NT5C2: variants seen among roughly 807,000 people sequenced by gnomAD.
NT5C2 encodes the protein cytosolic purine 5'-nucleotidase.
In NT5C2, 58 loss-of-function variants were observed where a neutral mutation model predicts 76.1. That is an observed-to-expected ratio of 0.76 (90% CI 0.62 to 0.95). The LOEUF is 0.95. Among genes scored for constraint, NT5C2 ranks in the 40% least tolerant of loss-of-function variants. NT5C2 has a pLI of 0.00. For synonymous variants in NT5C2, 229 were observed against 237.4 expected (o/e 0.96, Z 0.32); for missense variants, 478 against 690.3 (o/e 0.69, Z 3.45).
At chr10:103,183,292 T>TATATATATCA (rs1384199423) in intron 1 of NT5C2, among the ~76,000 whole-genome samples, 1 of 117,236 alleles carries the variant, frequency 8.5e-6, no homozygotes, top group Admixed American at 9.4e-5. Context: ...TATATATATA[T>TATATATATCA]ATCACACACT....
chr10:103,094,812 G>C (rs1294181055), intron 12 of NT5C2, among the ~76,000 whole-genome samples: 1 of 151,774 alleles, frequency 6.6e-6, no homozygotes, highest in East Asian at 1.9e-4. Context: ...AACCTAGGAG[G>C]GGGAGGTTGC....
At position 103,106,474 on chromosome 10, in the gene NT5C2, T is replaced by G. The variant is rs2071297946; in HGVS notation, c.293+115A>C. The G allele has an allele frequency of 5.7e-6, 4 of 697,406 alleles. No homozygotes were observed. The South Asian group carries it at 7.1e-5, about 12-fold the overall frequency. 43.2% of individuals were successfully genotyped at this position (697,406 alleles called of 1,614,324 possible). A position where few individuals can be genotyped will look rare whatever the true frequency, so the allele number is the denominator to read the frequency against. ...AACCAACCAAAAAAACAACAAAGAA[T>G]TATTCAATGTTTTGGGGGGTTTTTT... On this transcript the variant is annotated intron_variant, in intron 5 of 18. Coordinates refer to ENST00000404739, the MANE Select transcript of NT5C2 (RefSeq NM_001351169.2).
At chr10:103,106,828 C>A (rs2071406240) in intron 4 of NT5C2, 122 bp from the exon 5 acceptor site, 2 of 703,796 alleles carry the variant, frequency 2.8e-6, no homozygotes, top group Non-Finnish European at 5.1e-6. Context: ...CATTTTTCTT[C>A]TTCCCCCTCA....
intron 1 of NT5C2, among the ~76,000 whole-genome samples, chr10:103,185,602 G>A (rs1277227256): frequency 7.2e-6 from 1 of 138,820 alleles, no homozygotes; most frequent in Non-Finnish European, 1.5e-5. Context: ...AGCCAAGATC[G>A]CACCACTGCA....
At chr10:103,158,123 TAAAC>T (rs1346169887) in intron 3 of NT5C2, among the ~76,000 whole-genome samples, 6 of 149,862 alleles carry the variant, frequency 4.0e-5, no homozygotes, top group South Asian at 2.1e-4. Context: ...ATGTAGAAAT[TAAAC>T]AACACACTCC....
At chr10:103,179,079 A>C (rs2090609629) in intron 2 of NT5C2, among the ~76,000 whole-genome samples, 1 of 150,650 alleles carries the variant, frequency 6.6e-6, no homozygotes, top group South Asian at 2.1e-4. Context: ...CTCCTGAGTA[A>C]CTGGGATTAC....
intron 12 of NT5C2, among the ~76,000 whole-genome samples, chr10:103,095,338 CTG>C (rs1477238442): frequency 1.3e-5 from 2 of 152,202 alleles, no homozygotes; most frequent in African/African-American, 2.4e-5. Flanking sequence ...GCACTGCACA[CTG>C]TGATTTCAGG....
chr10:103,144,125 G>T (rs1286148957), intron 3 of NT5C2, among the ~76,000 whole-genome samples: 1 of 152,100 alleles, frequency 6.6e-6, no homozygotes, highest in Non-Finnish European at 1.5e-5. Flanking sequence ...CAAAATAATG[G>T]TTGTAGCTCT....
chr10:103,126,778 T>G (rs562786355), intron 4 of NT5C2, among the ~76,000 whole-genome samples: 3 of 152,286 alleles, frequency 2.0e-5, no homozygotes, highest in African/African-American at 7.2e-5. Context: ...ATAATGCGGG[T>G]TTGAACTGCA....
intron 8 of NT5C2, chr10:103,100,579 T>TA (rs1271846330): frequency 2.3e-6 from 1 of 436,288 alleles, no homozygotes; most frequent in African/African-American, 2.0e-5. Flanking sequence ...GTTTAAGACT[T>TA]ACGCAAAATT....
intron 3 of NT5C2, among the ~76,000 whole-genome samples, chr10:103,167,822 G>C (rs921403280): frequency 2.6e-5 from 4 of 151,930 alleles, no homozygotes; most frequent in African/African-American, 9.7e-5. Flanking sequence ...GGTAAAGACG[G>C]GGTTTGCCAT....
Position 103,162,212 on chromosome 10 carries a change from C to T in NT5C2, c.101+12646G>A, listed in dbSNP as rs545602122. ...TGTATTTTTAGTAGAGACGGGGTTT[C>T]ACCATGTTGGCCAGGATGGTCTCGA... On this transcript the variant is annotated intron_variant, in intron 3 of 18. Coordinates refer to ENST00000404739, the MANE Select transcript of NT5C2 (RefSeq NM_001351169.2). Among the ~76,000 whole-genome samples, 3 of 152,170 alleles carry T rather than the reference C, an allele frequency of 2.0e-5. No homozygotes were observed. The South Asian group carries it at 6.2e-4, about 32-fold the overall frequency.
chr10:103,120,846 C>G (rs1009831348), intron 4 of NT5C2, among the ~76,000 whole-genome samples: 23 of 152,142 alleles, frequency 1.5e-4, no homozygotes, highest in African/African-American at 5.3e-4. Context: ...TGCTTAAATA[C>G]CAATGTTCAC....
chr10:103,192,380 A>C (rs867604413), intron 1 of NT5C2, among the ~76,000 whole-genome samples: 1 of 152,094 alleles, frequency 6.6e-6, no homozygotes, highest in South Asian at 2.1e-4. Context: ...GCCCAGGAAA[A>C]CGTCGATTCG....
intron 10 of NT5C2, chr10:103,098,107 G>A (rs1304745952): frequency 1.9e-6 from 1 of 527,544 alleles, no homozygotes; most frequent in Non-Finnish European, 3.9e-6. Context: ...AAAGAAAGAA[G>A]TATGTCATCT....
intron 4 of NT5C2, among the ~76,000 whole-genome samples, chr10:103,135,148 G>A (rs2078940196): frequency 6.6e-6 from 1 of 152,198 alleles, no homozygotes; most frequent in African/African-American, 2.4e-5. Flanking sequence ...GGGGACTGTT[G>A]GGAAGGCATG....
chr10:103,109,222 T>TA (rs1276499043), intron 4 of NT5C2, among the ~76,000 whole-genome samples: 3 of 151,906 alleles, frequency 2.0e-5, no homozygotes, highest in South Asian at 2.1e-4. Context: ...CCCATCCCCC[T>TA]AAAAAAAACT....
intron 10 of NT5C2, 66 bp downstream of exon 10, chr10:103,098,862 CTTG>C (rs1438257141): frequency 5.6e-6 from 6 of 1,073,806 alleles, no homozygotes; most frequent in East Asian, 4.8e-5. Flanking sequence ...TATAAATCAG[CTTG>C]TTATTAATTT....
intron 2 of NT5C2, among the ~76,000 whole-genome samples, chr10:103,176,616 C>T (rs1381425654): frequency 6.6e-6 from 1 of 152,180 alleles, no homozygotes; most frequent in Non-Finnish European, 1.5e-5. Context: ...TCTCTGCTCA[C>T]TGCATCCCAG....
Sources: allele counts gnomAD v4.1 joint callset (sites outside exome capture counted in the v4.1 genomes callset), GRCh38; gene constraint gnomAD v4.1.1; transcripts MANE v1.5; gene names NCBI Gene and HGNC (gene_info 2026-07-23, HGNC 2026-07-21).